ROBO1: variants seen among roughly 807,000 people sequenced by gnomAD.
The protein encoded by ROBO1 is roundabout guidance receptor 1, also known as roundabout homolog 1.
Under a neutral mutation model 195.9 loss-of-function variants are expected in ROBO1, and 149 were observed. That is an observed-to-expected ratio of 0.76 (90% CI 0.67 to 0.87). ROBO1 has a LOEUF of 0.87. ROBO1 is among the 40% of genes least tolerant of loss of function. ROBO1 has a pLI of 0.00. For missense variants in ROBO1, 1,933 were observed against 2,068.3 expected, an observed-to-expected ratio of 0.93 and a Z score of 1.27; for synonymous variants, 816 against 733.2, an observed-to-expected ratio of 1.11 and a Z score of -1.82.
At chr3:79,457,524 G>A (rs1188191897) in intron 2 of ROBO1, among the ~76,000 whole-genome samples, 3 of 151,960 alleles carry the variant, frequency 2.0e-5, no homozygotes, top group Non-Finnish European at 2.9e-5. Flanking sequence ...TTCACAGAGT[G>A]GAGGGTAATA....
intron 3 of ROBO1, among the ~76,000 whole-genome samples, chr3:79,089,816 T>G (rs2079441834): frequency 6.6e-6 from 1 of 152,206 alleles, no homozygotes; most frequent in East Asian, 1.9e-4. Flanking sequence ...TTTCATAAAT[T>G]TTCTGTTCCA....
At position 78,656,593 on chromosome 3, in the gene ROBO1, T is replaced by C. The variant is rs1244400016; in HGVS notation, c.2614+505A>G. 2.0e-5 allele frequency among the ~76,000 whole-genome samples: 3 copies of C among 152,044 alleles called. No individual in the cohort carries two copies. In the East Asian group the frequency reaches 5.8e-4, roughly 30 times the overall value. The stretch of plus-strand genomic sequence containing the variant: ...GTCTCGATCTCCTGACCTCGTGATT[T>C]GCCTGCCTCGGCCTCCCAGAGTGTT... On this transcript the variant is annotated intron_variant, in intron 18 of 30. Transcript: ENST00000464233.
At chr3:79,495,537 T>C (rs996952724) in intron 2 of ROBO1, among the ~76,000 whole-genome samples, 14 of 152,134 alleles carry the variant, frequency 9.2e-5, no homozygotes, top group African/African-American at 3.4e-4. Flanking sequence ...AAATGGAAAG[T>C]CTTAAACTTT....
chr3:79,091,416 C>T (rs2108489813), intron 3 of ROBO1, among the ~76,000 whole-genome samples: 2 of 152,158 alleles, frequency 1.3e-5, no homozygotes, highest in Middle Eastern at 6.8e-3. Flanking sequence ...TCTTGCATTA[C>T]ATTCTAGATA....
chr3:79,704,154 C>T (rs572280751), intron 1 of ROBO1, among the ~76,000 whole-genome samples: 5 of 152,010 alleles, frequency 3.3e-5, no homozygotes, highest in East Asian at 1.9e-4. Context: ...CATAGCCTCC[C>T]GGATGATCAA....
intron 3 of ROBO1, among the ~76,000 whole-genome samples, chr3:79,054,685 C>A (rs1316839804): frequency 6.6e-6 from 1 of 152,102 alleles, no homozygotes; most frequent in Non-Finnish European, 1.5e-5. Context: ...GCTGGCTCAG[C>A]AAACACGGCC....
chr3:79,453,808 C>A (rs1454917423), intron 2 of ROBO1, among the ~76,000 whole-genome samples: 2 of 152,010 alleles, frequency 1.3e-5, no homozygotes, highest in African/African-American at 4.8e-5. Flanking sequence ...AGGTAGCTGT[C>A]CAAGAGACTG....
At chr3:79,550,064 G>T (rs1424955931) in intron 2 of ROBO1, among the ~76,000 whole-genome samples, 1 of 151,550 alleles carries the variant, frequency 6.6e-6, no homozygotes, top group Non-Finnish European at 1.5e-5. Flanking sequence ...CTTCAAGGTT[G>T]CAGTGAGCTG....
chr3:79,073,794 T>C lies in ROBO1; in HGVS notation c.172+51662A>G, dbSNP rs2079127027. Reference sequence around the variant, plus strand: ...TTTGCAAAGATAGATCATCGGAAAATGGCAGAGATACAGTGAATGTGACAG... The same window carrying C: ...TTTGCAAAGATAGATCATCGGAAAACGGCAGAGATACAGTGAATGTGACAG... On this transcript the variant is annotated intron_variant, in intron 3 of 30. Transcript: ENST00000464233. Among the ~76,000 whole-genome samples, 4 of 151,508 alleles carry C rather than the reference T, an allele frequency of 2.6e-5. No individual in the cohort carries two copies. The Admixed American group carries it at 2.6e-4, about 10-fold the overall frequency.
chr3:78,752,438 C>A (rs2082821076), intron 4 of ROBO1, among the ~76,000 whole-genome samples: 1 of 152,050 alleles, frequency 6.6e-6, no homozygotes, highest in South Asian at 2.1e-4. Context: ...ACAATAGGGT[C>A]TTATTGCAGG....
rs564793383 is a variant in ROBO1, at chr3:79,618,137, A to G, written c.-50-28176T>C. 2.6e-5 allele frequency among the ~76,000 whole-genome samples: 4 copies of G among 152,230 alleles called. 1 individual carries two copies. The South Asian group carries it at 8.3e-4, about 32-fold the overall frequency. On this transcript the variant is annotated intron_variant, in intron 1 of 30. Coordinates refer to ENST00000464233, the MANE Select transcript of ROBO1 (RefSeq NM_002941.4). ...AGGAAATAGAGGATTATGTAAAAAA[A>G]TACGAACCTATGAGATATATGCATT...
intron 2 of ROBO1, among the ~76,000 whole-genome samples, chr3:79,354,222 A>T (rs1040924493): frequency 1.2e-4 from 18 of 152,172 alleles, no homozygotes; most frequent in African/African-American, 4.1e-4. Context: ...AACTTGTCTC[A>T]TCTACAGTCA....
intron 1 of ROBO1, among the ~76,000 whole-genome samples, chr3:79,677,553 C>A (rs1056485442): frequency 6.6e-6 from 1 of 152,018 alleles, no homozygotes; most frequent in East Asian, 1.9e-4. Context: ...AGACCTGCCC[C>A]TGTGATTCAA....
Position 79,055,041 on chromosome 3 carries a change from C to A in ROBO1, c.172+70415G>T, listed in dbSNP as rs547931271. Among the ~76,000 whole-genome samples the A allele has an allele frequency of 5.3e-5, 8 of 152,220 alleles. No individual in the cohort carries two copies. The South Asian group carries it at 1.5e-3, about 28-fold the overall frequency. On this transcript the variant is annotated intron_variant, in intron 3 of 30. Coordinates refer to ENST00000464233, the MANE Select transcript of ROBO1 (RefSeq NM_002941.4). The stretch of plus-strand genomic sequence containing the variant: ...TAGCACCATTCCTCTAAATTTACTA[C>A]CTAATTCTTTGCCTTTAATTTTCCC...
intron 2 of ROBO1, among the ~76,000 whole-genome samples, chr3:79,572,066 T>A (rs1221011566): frequency 6.6e-6 from 1 of 152,128 alleles, no homozygotes; most frequent in African/African-American, 2.4e-5. Flanking sequence ...AATTTATTAG[T>A]GGGTGCAGCG....
At chr3:79,202,688 T>C (rs1286141726) in intron 2 of ROBO1, among the ~76,000 whole-genome samples, 1 of 152,040 alleles carries the variant, frequency 6.6e-6, no homozygotes, top group Non-Finnish European at 1.5e-5. Context: ...CCATATGCTT[T>C]CAAGCTTTCA....
intron 3 of ROBO1, among the ~76,000 whole-genome samples, chr3:79,068,940 T>C (rs1194967938): frequency 6.6e-6 from 1 of 151,890 alleles, no homozygotes; most frequent in Non-Finnish European, 1.5e-5. Flanking sequence ...CTTTCTTCCC[T>C]TTATCCTAAA....
At chr3:78,868,731 A>C (rs576803227) in intron 4 of ROBO1, among the ~76,000 whole-genome samples, 1 of 152,180 alleles carries the variant, frequency 6.6e-6, no homozygotes, top group Admixed American at 6.5e-5. Context: ...ACAGCATAAA[A>C]GGGGAAAAAA....
intron 2 of ROBO1, among the ~76,000 whole-genome samples, chr3:79,351,186 T>C (rs981841700): frequency 3.9e-5 from 6 of 152,140 alleles, no homozygotes; most frequent in African/African-American, 1.2e-4. Flanking sequence ...AAATTATGAC[T>C]AAATAAAAAA....
Sources: allele counts gnomAD v4.1 joint callset (sites outside exome capture counted in the v4.1 genomes callset), GRCh38; gene constraint gnomAD v4.1.1; transcripts MANE v1.5; gene names NCBI Gene and HGNC (gene_info 2026-07-23, HGNC 2026-07-21).